The following MID1 variants were observed in gnomAD, a reference collection of about 807,000 sequenced individuals.
The protein encoded by MID1 is E3 ubiquitin-protein ligase Midline-1.
MID1 carries 7 observed loss-of-function variants against 40.4 expected under a neutral mutation model. The observed-to-expected ratio is 0.17, with a 90% CI of 0.10 to 0.33. MID1 has a LOEUF of 0.33. MID1 is among the 10% of genes least tolerant of loss of function. MID1 has a pLI of 1.00. For synonymous variants in MID1, 229 were observed against 221.2 expected (o/e 1.04, Z -0.31); for missense variants, 367 against 558.5 (o/e 0.66, Z 3.46).
At chrX:10,540,523 C>A (rs184529645) in intron 2 of MID1, among the ~76,000 whole-genome samples, 1 of 111,761 alleles carries the variant, frequency 8.9e-6, no homozygotes, top group African/African-American at 3.2e-5. Flanking sequence ...CTTTGATTGT[C>A]TGAGACCCAA....
At chrX:10,640,860 C>T (rs1472236218) in intron 1 of MID1, among the ~76,000 whole-genome samples, 1 of 111,867 alleles carries the variant, frequency 8.9e-6, no homozygotes, top group African/African-American at 3.3e-5. Flanking sequence ...GATTAAGAAA[C>T]TCACTCAAAA....
chrX:10,656,253 C>T (rs1307125789), intron 1 of MID1, among the ~76,000 whole-genome samples: 1 of 111,769 alleles, frequency 8.9e-6, no homozygotes, highest in African/African-American at 3.3e-5. Context: ...CTTCTCCTTC[C>T]AATCTCAATG....
intron 1 of MID1, among the ~76,000 whole-genome samples, chrX:10,825,050 TA>T (rs2044205721): frequency 8.9e-6 from 1 of 111,916 alleles, no homozygotes; most frequent in South Asian, 3.7e-4. Flanking sequence ...ATGGGAAATT[TA>T]AGCTTCTTAA....
intron 1 of MID1, among the ~76,000 whole-genome samples, chrX:10,757,348 G>A (rs2043638708): frequency 8.9e-6 from 1 of 112,366 alleles, no homozygotes; most frequent in African/African-American, 3.2e-5. Flanking sequence ...GTCACCTGCA[G>A]ATGAAAGTGG....
At chrX:10,452,700 C>G (rs1367396869) in intron 9 of MID1, among the ~76,000 whole-genome samples, 1 of 112,128 alleles carries the variant, frequency 8.9e-6, no homozygotes. Context: ...GAAGATTTTT[C>G]TGAAATTGAC....
chrX:10,471,637 G>A (rs773347081), intron 6 of MID1, among the ~76,000 whole-genome samples: 6 of 111,991 alleles, frequency 5.4e-5, no homozygotes, highest in South Asian at 3.8e-4. Context: ...TGCATTCCAC[G>A]GAGGAGGTCC....
chrX:10,733,161 C>A (rs970605016), intron 1 of MID1, among the ~76,000 whole-genome samples: 1 of 111,473 alleles, frequency 9.0e-6, no homozygotes, highest in African/African-American at 3.3e-5. Context: ...CGCGCCCGGC[C>A]GGTAAGTTGA....
chrX:10,524,297 G>A (rs1602346806), intron 2 of MID1, among the ~76,000 whole-genome samples: 1 of 111,538 alleles, frequency 9.0e-6, no homozygotes, highest in African/African-American at 3.3e-5. Context: ...ACATGCTCTT[G>A]ATTGCCAGGG....
intron 1 of MID1, among the ~76,000 whole-genome samples, chrX:10,657,466 C>T (rs2042882448): frequency 9.0e-6 from 1 of 111,641 alleles, no homozygotes; most frequent in Non-Finnish European, 1.9e-5. Flanking sequence ...CAGAACCAGC[C>T]ACTTAGATGG....
chrX:10,722,273 T>C (rs2043361390), intron 1 of MID1, among the ~76,000 whole-genome samples: 1 of 112,146 alleles, frequency 8.9e-6, no homozygotes, highest in Non-Finnish European at 1.9e-5. Flanking sequence ...ATGTTGATAT[T>C]ATAAAGACAC....
At chrX:10,640,996 T>C (rs1297347980) in intron 1 of MID1, among the ~76,000 whole-genome samples, 3 of 111,672 alleles carry the variant, frequency 2.7e-5, no homozygotes, top group Non-Finnish European at 5.6e-5. Flanking sequence ...TACCAGAATC[T>C]CTGGGACACA....
chrX:10,466,234 A>C (rs778423529), intron 7 of MID1, among the ~76,000 whole-genome samples: 3 of 112,145 alleles, frequency 2.7e-5, no homozygotes, highest in African/African-American at 9.7e-5. Context: ...ATCTTCTTCA[A>C]GTTTGATACA....
At chrX:10,649,439 T>G (rs183448757) in intron 1 of MID1, among the ~76,000 whole-genome samples, 2 of 112,155 alleles carry the variant, frequency 1.8e-5, no homozygotes, top group Admixed American at 1.9e-4. Context: ...CTACCTCTCC[T>G]TCTAGTTGGA....
At chrX:10,745,518 G>A (rs1327529983) in intron 1 of MID1, among the ~76,000 whole-genome samples, 1 of 112,195 alleles carries the variant, frequency 8.9e-6, no homozygotes, top group East Asian at 2.8e-4. Flanking sequence ...GCCTCCAAAT[G>A]GCCTCATTCT....
rs1035973027 is a variant in MID1 at position 10,460,283 on chromosome X, C to T, written c.1286-476G>A. Among the ~76,000 whole-genome samples, 4 of 111,292 alleles carry T rather than the reference C, an allele frequency of 3.6e-5. No homozygotes were observed. The Admixed American group carries it at 3.8e-4, about 11-fold the overall frequency. On this transcript the variant is annotated intron_variant, in intron 7 of 9. Coordinates refer to ENST00000317552, the MANE Select transcript of MID1 (RefSeq NM_000381.4). The stretch of plus-strand genomic sequence containing the variant: ...GAACAGCTTTACCATGCAGCCAACG[C>T]CCAGCCAGTGCAGGAGTGAACCAAG...
intron 1 of MID1, among the ~76,000 whole-genome samples, chrX:10,609,943 C>T (rs980030634): frequency 1.8e-5 from 2 of 111,158 alleles, no homozygotes; most frequent in Admixed American, 1.9e-4. Flanking sequence ...TGGTCTCGTT[C>T]TCCTGACCTC....
chrX:10,699,891 C>G (rs891216833), intron 1 of MID1, among the ~76,000 whole-genome samples: 1 of 108,176 alleles, frequency 9.2e-6, no homozygotes, highest in Admixed American at 9.9e-5. Context: ...GGGGCGATCT[C>G]GGCTCACTGC....
rs1347778267 is a variant in MID1 at position 10,770,854 on chromosome X, C to T, written c.-187+62700G>A. ...GTGCGGTGGCTCACGCCTGTAAATC[C>T]CAGCACTTTGGGAGGCTGAGGCGGG... is the stretch of plus-strand genomic sequence containing the variant. On this transcript the variant is annotated intron_variant, in intron 1 of 10. Coordinates refer to the MID1 transcript ENST00000380785. Among the ~76,000 whole-genome samples the T allele has an allele frequency of 2.0e-4, 22 of 111,535 alleles. No individual in the cohort carries two copies. The Admixed American group carries it at 2.1e-3, about 11-fold the overall frequency.
At chrX:10,665,829 A>C (rs904182852) in intron 1 of MID1, among the ~76,000 whole-genome samples, 2 of 110,996 alleles carry the variant, frequency 1.8e-5, no homozygotes, top group Admixed American at 1.9e-4. Context: ...CGCCTGGCCA[A>C]GTAGCCATCT....
Sources: gnomAD v4.1 joint callset for allele counts (sites outside exome capture counted in the v4.1 genomes callset) on GRCh38, gnomAD v4.1.1 for gene constraint, MANE v1.5 for transcripts, NCBI Gene and HGNC (gene_info 2026-07-23, HGNC 2026-07-21) for gene names.